BCKDHB: variants seen among roughly 807,000 people sequenced by gnomAD.
The protein encoded by BCKDHB is branched chain keto acid dehydrogenase E1 subunit beta.
BCKDHB carries 41 observed loss-of-function variants against 48.5 expected under a neutral mutation model. That is an observed-to-expected ratio of 0.85 (90% confidence interval 0.66 to 1.10). BCKDHB has a LOEUF of 1.10. Ranked by LOEUF, BCKDHB falls within the 50% of genes least tolerant of loss-of-function variation. The probability of loss-of-function intolerance (pLI) is 0.00; values close to 1 mark genes in which losing one functional copy is unlikely to be tolerated. For missense variants in BCKDHB, 496 were observed against 494.2 expected (o/e 1.00, Z -0.03); for synonymous variants, 201 against 174.8 (o/e 1.15, Z -1.18).
the BCKDHB span, among the ~76,000 whole-genome samples, chr6:80,392,862 CTTTT>C: frequency 1.7e-3 from 176 of 102,052 alleles, no homozygotes; most frequent in African/African-American, 5.5e-3. Flanking sequence ...ACCTTTTTAA[CTTTT>C]TTTTTTTTTT....
At position 80,210,587 on chromosome 6, in the gene BCKDHB, T is replaced by A. The variant is rs115622612; in HGVS notation, c.951+7375T>A. On this transcript the variant is annotated intron_variant, in intron 8 of 9. Transcript: ENST00000320393. ...ATATGTTAAACTTGAACAAAATTTT[T>A]AAAAAAGAAATAAAAAGAAGCACTA... Among the ~76,000 whole-genome samples, 1,512 of 152,232 alleles carry A rather than the reference T, an allele frequency of 9.9e-3. 29 individuals carry two copies. Among genetic ancestry groups the A allele is most frequent in the African/African-American group, 0.034 (1,427 of 41,540 alleles).
At chr6:80,227,972 GTGA>G (rs2127878799) in intron 8 of BCKDHB, among the ~76,000 whole-genome samples, 1 of 152,252 alleles carries the variant, frequency 6.6e-6, no homozygotes, top group South Asian at 2.1e-4. Flanking sequence ...ACCATATGTG[GTGA>G]TTAGGCTTTT....
At chr6:80,275,772 G>T (rs1777944952) in intron 9 of BCKDHB, among the ~76,000 whole-genome samples, 1 of 151,702 alleles carries the variant, frequency 6.6e-6, no homozygotes, top group South Asian at 2.1e-4. Flanking sequence ...ATTCAACTAT[G>T]CAATATCCTG....
At chr6:80,453,769 G>T in the BCKDHB span, among the ~76,000 whole-genome samples, 1 of 152,166 alleles carries the variant, frequency 6.6e-6, no homozygotes, top group Non-Finnish European at 1.5e-5. Flanking sequence ...AGTTCCCAAA[G>T]TGCTGAGGAT....
chr6:80,394,939 T>G, the BCKDHB span, among the ~76,000 whole-genome samples: 2 of 152,178 alleles, frequency 1.3e-5, no homozygotes, highest in Admixed American at 6.5e-5. Flanking sequence ...TAAGGAGCTT[T>G]TCCCTGTTTG....
At chr6:80,234,164 A>G (rs1219011957) in intron 8 of BCKDHB, among the ~76,000 whole-genome samples, 1 of 152,170 alleles carries the variant, frequency 6.6e-6, no homozygotes, top group Non-Finnish European at 1.5e-5. Context: ...CCTCCTGCTG[A>G]GTGGCCAGGT....
At chr6:80,301,652 T>C (rs768757425) in intron 9 of BCKDHB, among the ~76,000 whole-genome samples, 14 of 152,106 alleles carry the variant, frequency 9.2e-5, no homozygotes, top group Non-Finnish European at 1.9e-4. Context: ...TAACTAATTC[T>C]ACAAAGACAG....
At chr6:80,460,107 A>G in the BCKDHB span, among the ~76,000 whole-genome samples, 3 of 152,134 alleles carry the variant, frequency 2.0e-5, no homozygotes, top group Non-Finnish European at 4.4e-5. Flanking sequence ...CTTACTAAAT[A>G]TACATTTTTA....
the BCKDHB span, among the ~76,000 whole-genome samples, chr6:80,415,697 A>G: frequency 6.6e-6 from 1 of 152,114 alleles, no homozygotes. Flanking sequence ...GGATTTTTGC[A>G]TCAATGTTCA....
chr6:80,288,758 T>A (rs979756962), intron 9 of BCKDHB, among the ~76,000 whole-genome samples: 1 of 152,084 alleles, frequency 6.6e-6, no homozygotes, highest in African/African-American at 2.4e-5. Context: ...TATATATAAA[T>A]ATATACCATA....
the BCKDHB span, among the ~76,000 whole-genome samples, chr6:80,390,213 A>C: frequency 6.6e-6 from 1 of 152,200 alleles, no homozygotes; most frequent in Non-Finnish European, 1.5e-5. Flanking sequence ...GGCATCTCTT[A>C]CTATTACCAT....
At chr6:80,156,316 C>G (rs911569746) in intron 3 of BCKDHB, among the ~76,000 whole-genome samples, 8 of 151,886 alleles carry the variant, frequency 5.3e-5, no homozygotes, top group Non-Finnish European at 8.8e-5. Flanking sequence ...TGAAGGCCAA[C>G]TACTTCATAT....
intron 3 of BCKDHB, among the ~76,000 whole-genome samples, chr6:80,166,917 A>T (rs1772600122): frequency 6.6e-6 from 1 of 151,604 alleles, no homozygotes; most frequent in South Asian, 2.1e-4. Context: ...AATCATCTCT[A>T]TTTTTCACAC....
At chr6:80,111,649 T>C (rs1291976826) in intron 1 of BCKDHB, among the ~76,000 whole-genome samples, 1 of 152,144 alleles carries the variant, frequency 6.6e-6, no homozygotes, top group Non-Finnish European at 1.5e-5. Context: ...ATAGAACACA[T>C]GATGACTTGT....
chr6:80,404,851 C>T, the BCKDHB span, among the ~76,000 whole-genome samples: 2 of 151,782 alleles, frequency 1.3e-5, no homozygotes, highest in Non-Finnish European at 2.9e-5. Flanking sequence ...GTGAAATTTT[C>T]CAGTTTGTCT....
At chr6:80,416,998 A>C in the BCKDHB span, among the ~76,000 whole-genome samples, 2 of 151,956 alleles carry the variant, frequency 1.3e-5, no homozygotes, top group African/African-American at 4.8e-5. Flanking sequence ...AGTCTCTTTA[A>C]AGCTTTCTAA....
intron 3 of BCKDHB, 31 bp downstream of exon 3, chr6:80,129,260 G>T: frequency 6.5e-7 from 1 of 1,545,798 alleles, no homozygotes; most frequent in Admixed American, 1.7e-5. Context: ...ATAGTATTCT[G>T]ATAGAACTTT....
At chr6:80,421,485 G>C in the BCKDHB span, among the ~76,000 whole-genome samples, 16 of 152,264 alleles carry the variant, frequency 1.1e-4, no homozygotes, top group Admixed American at 3.9e-4. Flanking sequence ...GCAGAGGTTG[G>C]AACAATCTTG....
At chr6:80,433,280 G>A in the BCKDHB span, among the ~76,000 whole-genome samples, 1 of 152,136 alleles carries the variant, frequency 6.6e-6, no homozygotes. Context: ...CTTCCCCCAG[G>A]TGCTCTGTCC....
Sources: gnomAD v4.1 joint callset for allele counts (sites outside exome capture counted in the v4.1 genomes callset) on GRCh38, gnomAD v4.1.1 for gene constraint, MANE v1.5 for transcripts, NCBI Gene and HGNC (gene_info 2026-07-23, HGNC 2026-07-21) for gene names.